The following CMIP variants were observed in gnomAD, a reference collection of about 807,000 sequenced individuals.
CMIP encodes the protein C-Maf-inducing protein.
A neutral mutation model predicts 97.3 loss-of-function variants in CMIP; 13 were observed. The observed-to-expected ratio is 0.13, with a 90% CI of 0.09 to 0.21. CMIP has a LOEUF of 0.21. Ranked by LOEUF, CMIP falls within the 10% of genes least tolerant of loss-of-function variation. The pLI is 1.00. For missense variants in CMIP, 847 were observed against 1,024.9 expected (o/e 0.83, Z 2.37); for synonymous variants, 538 against 436.3 (o/e 1.23, Z -2.91).
At chr16:81,561,198 A>T (rs1034525983) in intron 1 of CMIP, among the ~76,000 whole-genome samples, 2 of 151,946 alleles carry the variant, frequency 1.3e-5, no homozygotes, top group Non-Finnish European at 2.9e-5. Flanking sequence ...CAAGTGATTC[A>T]CTCGCCTTGG....
intron 15 of CMIP, among the ~76,000 whole-genome samples, chr16:81,700,858 G>T (rs527658967): frequency 6.6e-6 from 1 of 152,324 alleles, no homozygotes; most frequent in East Asian, 1.9e-4. Context: ...GTGCTGGGAA[G>T]GAGTTTGGAT....
chr16:81,533,295 GTACATAGT>G (rs1232034982), intron 1 of CMIP, among the ~76,000 whole-genome samples: 1 of 152,164 alleles, frequency 6.6e-6, no homozygotes, highest in Non-Finnish European at 1.5e-5. Flanking sequence ...TAGATGCTCA[GTACATAGT>G]TTTGAGTGAG....
chr16:81,560,083 G>A (rs2090847478), intron 1 of CMIP, among the ~76,000 whole-genome samples: 1 of 151,556 alleles, frequency 6.6e-6, no homozygotes, highest in Non-Finnish European at 1.5e-5. Context: ...GGGAGGCAGA[G>A]GTTGCAGGGG....
chr16:81,511,528 C>T (rs1475324250), intron 1 of CMIP, among the ~76,000 whole-genome samples: 2 of 152,194 alleles, frequency 1.3e-5, no homozygotes, highest in African/African-American at 4.8e-5. Flanking sequence ...CCTCTGTTCC[C>T]TGTATTTCCT....
chr16:81,560,626 T>C (rs1201415055), intron 1 of CMIP, among the ~76,000 whole-genome samples: 1 of 152,234 alleles, frequency 6.6e-6, no homozygotes, highest in Non-Finnish European at 1.5e-5. Flanking sequence ...CACCGCTCAC[T>C]CACTCACCCA....
chr16:81,636,973 C>A (rs551791540), intron 3 of CMIP, among the ~76,000 whole-genome samples: 5 of 152,078 alleles, frequency 3.3e-5, no homozygotes, highest in African/African-American at 1.2e-4. Context: ...GATCTTGTAA[C>A]CCTCCTTCCT....
intron 1 of CMIP, among the ~76,000 whole-genome samples, chr16:81,585,056 G>T (rs897294466): frequency 2.6e-5 from 4 of 152,218 alleles, no homozygotes; most frequent in African/African-American, 9.6e-5. Context: ...TAAATGTACA[G>T]TTCGGCCAGG....
chr16:81,686,851 T>C (rs1008927712), intron 10 of CMIP, among the ~76,000 whole-genome samples: 2 of 152,100 alleles, frequency 1.3e-5, no homozygotes, highest in East Asian at 3.9e-4. Context: ...CGATACACAG[T>C]GTATCTGTGG....
intron 1 of CMIP, among the ~76,000 whole-genome samples, chr16:81,481,645 C>G (rs1282364928): frequency 6.6e-6 from 1 of 152,156 alleles, no homozygotes; most frequent in African/African-American, 2.4e-5. Context: ...TGACCACAGG[C>G]TTTGTGGCTT....
intron 1 of CMIP, among the ~76,000 whole-genome samples, chr16:81,480,238 A>T (rs189323249): frequency 1.3e-5 from 2 of 152,324 alleles, no homozygotes; most frequent in South Asian, 4.1e-4. Flanking sequence ...AAGCTCTCTC[A>T]GCTTCAAATC....
chr16:81,589,564 C>G (rs889819093), intron 1 of CMIP, among the ~76,000 whole-genome samples: 1 of 152,044 alleles, frequency 6.6e-6, no homozygotes, highest in African/African-American at 2.4e-5. Flanking sequence ...CAGCCTGGCC[C>G]ATGCCGGGCA....
At chr16:81,562,019 C>G (rs753070135) in intron 1 of CMIP, among the ~76,000 whole-genome samples, 4 of 152,124 alleles carry the variant, frequency 2.6e-5, no homozygotes, top group Non-Finnish European at 5.9e-5. Flanking sequence ...AGTGGTCGGA[C>G]TCAGGATCTA....
Position 81,626,990 on chromosome 16 carries a change from A to ATG in CMIP, c.477+6077_477+6078dup, listed in dbSNP as rs367561649. On this transcript the variant is annotated intron_variant, in intron 3 of 20. Transcript: ENST00000537098. ...GGCATATGGGGCGACTATTTTATGA[A>ATG]TGTGTGTGTGTGTGGCCTGTAGGGT... 3.0e-5 allele frequency among the ~76,000 whole-genome samples: 4 copies of ATG among 133,226 alleles called. No individual in the cohort carries two copies. The Admixed American group carries it at 3.0e-4, about 10-fold the overall frequency. The allele number at this position is 133,226 out of a possible 152,430, so 87.4% of individuals were successfully genotyped here. A position where few individuals can be genotyped will look rare whatever the true frequency, so the allele number is the denominator to read the frequency against.
chr16:81,685,143 G>A (rs1409858197), intron 10 of CMIP, among the ~76,000 whole-genome samples: 1 of 152,194 alleles, frequency 6.6e-6, no homozygotes, highest in African/African-American at 2.4e-5. Flanking sequence ...CCACCAACCT[G>A]GTCCGACTGG....
At chr16:81,637,234 C>A (rs970955402) in intron 3 of CMIP, among the ~76,000 whole-genome samples, 1 of 152,124 alleles carries the variant, frequency 6.6e-6, no homozygotes, top group Admixed American at 6.5e-5. Context: ...CCATGCCCAG[C>A]TAATTTTTTT....
intron 1 of CMIP, among the ~76,000 whole-genome samples, chr16:81,537,086 G>C (rs771719086): frequency 2.0e-5 from 3 of 152,176 alleles, no homozygotes; most frequent in African/African-American, 4.8e-5. Context: ...TTAAGAGTAA[G>C]TTGCTGGAAA....
intron 1 of CMIP, among the ~76,000 whole-genome samples, chr16:81,599,129 T>C (rs1383603202): frequency 1.3e-5 from 2 of 151,896 alleles, no homozygotes; most frequent in African/African-American, 2.4e-5. Flanking sequence ...TCTGCAGCCA[T>C]TGAGAAAGGT....
At chr16:81,622,611 T>C (rs567267241) in intron 3 of CMIP, among the ~76,000 whole-genome samples, 1 of 152,238 alleles carries the variant, frequency 6.6e-6, no homozygotes, top group Admixed American at 6.5e-5. Context: ...CACGGCAGAA[T>C]GTACTTGGAG....
At chr16:81,528,962 C>G (rs1442598798) in intron 1 of CMIP, among the ~76,000 whole-genome samples, 4 of 152,082 alleles carry the variant, frequency 2.6e-5, no homozygotes, top group African/African-American at 9.7e-5. Flanking sequence ...CGTCCATCCA[C>G]CCACCCATCC....
Sources: allele counts gnomAD v4.1 joint callset (sites outside exome capture counted in the v4.1 genomes callset), GRCh38; gene constraint gnomAD v4.1.1; transcripts MANE v1.5; gene names NCBI Gene and HGNC (gene_info 2026-07-23, HGNC 2026-07-21).